MKI67: variants seen among roughly 807,000 people sequenced by gnomAD.
MKI67 encodes the protein marker of proliferation Ki-67, also known as proliferation marker protein Ki-67.
In MKI67, 152 loss-of-function variants were observed where a neutral mutation model predicts 233.5. The ratio of observed to expected loss-of-function variants is 0.65; its 90% CI spans 0.57 to 0.74. The LOEUF is 0.74. Among genes scored for constraint, MKI67 ranks in the 30% least tolerant of loss-of-function variants. MKI67 has a pLI of 0.00. For synonymous variants in MKI67, 1,465 were observed against 1,418.5 expected, an observed-to-expected ratio of 1.03 and a Z score of -0.74; for missense variants, 3,940 against 3,885.2, an observed-to-expected ratio of 1.01 and a Z score of -0.37.
chr10:128,111,411 A>G (rs1456721584), intron 11 of MKI67: 4 of 455,080 alleles, frequency 8.8e-6, no homozygotes, highest in Middle Eastern at 5.7e-4. Flanking sequence ...CATGCATTTG[A>G]CATTTCCACA....
chr10:128,110,172 C>CT (rs1852639687), intron 12 of MKI67, among the ~76,000 whole-genome samples: 1 of 152,152 alleles, frequency 6.6e-6, no homozygotes, highest in Non-Finnish European at 1.5e-5. Flanking sequence ...TTAACGGAGT[C>CT]TTTCTTTCTA....
rs764497382 is a variant in MKI67 at position 128,106,630 on chromosome 10, T to A, written c.5210A>T (p.Tyr1737Phe). 1 of 1,614,008 alleles carries A rather than the reference T, an allele frequency of 6.2e-7. No individual in the cohort carries two copies. The highest frequency in any genetic ancestry group is 1.1e-5 in the South Asian group (1 of 91,076). The change falls in exon 13 of 15, where the codon TAC becomes TTC. Residue 1737 changes from tyrosine to phenylalanine, a missense_variant. Transcript: ENST00000368654. ...CACTAGGTCTGGCTGTGAAGCTCTG[T>A]AGGATACTTTGGTAGTTTTTTCGTT... is the stretch of plus-strand genomic sequence containing the variant. ...MTNEKTTKVS[Y>F]RASQPDLVDT...
At position 128,106,388 on chromosome 10, in the gene MKI67, G is replaced by A. The variant is rs374467224; in HGVS notation, c.5452C>T (p.Arg1818Trp). ...GCCTTTTCCTTACGAGTTTGTAGCC[G>A]TCTATTGCTGCCAGGTAAATTTCCT... ...QPGNLPGSNR[R>W]LQTRKEKAQA... is the part of the protein sequence containing the mutation. The change falls in exon 13 of 15, where the codon CGG (arginine) becomes TGG (tryptophan). Residue 1818 changes from arginine to tryptophan, a missense_variant. Coordinates refer to ENST00000368654, the MANE Select transcript of MKI67 (RefSeq NM_002417.5). 2.4e-5 allele frequency: 39 copies of A among 1,613,680 alleles called. No individual in the cohort carries two copies. Among genetic ancestry groups the A allele is most frequent in the East Asian group, 2.0e-4 (9 of 44,838 alleles).
Position 128,108,213 on chromosome 10 carries a change from T to C in MKI67, c.3627A>G (p.Arg1209=), listed in dbSNP as rs763139797. Residue 1209 remains arginine, a synonymous_variant, in exon 13 of 15, where the codon AGA becomes AGG. Transcript: ENST00000368654. ...CCTTTTCCTTAGGAGTCTGTAGCTG[T>C]CTTTTGCTGCCAGGTAAAGTTCCTG... is the stretch of plus-strand genomic sequence containing the variant. ...DLAGTLPGSK[R]QLQTPKEKAQ... 4 of 1,610,992 alleles carry C rather than the reference T, an allele frequency of 2.5e-6. No homozygotes were observed. Among genetic ancestry groups the C allele is most frequent in the Non-Finnish European group, 2.5e-6 (3 of 1,179,292 alleles).
Position 128,106,361 on chromosome 10 carries a change from G to A in MKI67, c.5479C>T (p.Gln1827Ter), listed in dbSNP as rs1852494686. 1 of 1,611,970 alleles carries A rather than the reference G, an allele frequency of 6.2e-7. No individual in the cohort carries two copies. The highest frequency in any genetic ancestry group is 8.5e-7 in the Non-Finnish European group (1 of 1,179,462). ...AAGCCAGTCAGTTCTTCTAGAGCCT[G>A]GGCCTTTTCCTTACGAGTTTGTAGC... is the stretch of plus-strand genomic sequence containing the variant. ...RRLQTRKEKA[Q>*]ALEELTGFRE... The change falls in exon 13 of 15, where the codon CAG becomes TAG. Residue 1827 changes from glutamine to a stop codon, truncating the protein, a stop_gained. Coordinates refer to ENST00000368654, the MANE Select transcript of MKI67 (RefSeq NM_002417.5). LOFTEE classifies it high-confidence loss of function.
Position 128,105,488 on chromosome 10 carries a change from T to G in MKI67, c.6352A>C (p.Arg2118=). The change falls in exon 13 of 15, where the codon AGG becomes CGG. Residue 2118 remains arginine, a synonymous_variant. Transcript: ENST00000368654. ...CCCAAAGGTGTTTTGGGCCGCCTCC[T>G]TGTGCTTGTTGGAGTGTCCATTGAT... ...PESMDTPTST[R]RRPKTPLGKR... is the part of the protein sequence containing the mutation. 6.2e-7 allele frequency: 1 copy of G among 1,614,148 alleles called. No individual in the cohort carries two copies. The highest frequency in any genetic ancestry group is 2.2e-5 in the East Asian group (1 of 44,862).
In MKI67 at chr10:128,103,357, G is replaced by A. The variant is rs769445375; in HGVS notation, c.8483C>T (p.Ser2828Leu). The A allele has an allele frequency of 6.2e-7, 1 of 1,614,110 alleles. No individual in the cohort carries two copies. The highest frequency in any genetic ancestry group is 8.5e-7 in the Non-Finnish European group (1 of 1,180,028). ...TGTTGCGGTGTCTTCTAGTTCTGGT[G>A]ATGATTTGCAGGGTATTTTAGTGGT... is the stretch of plus-strand genomic sequence containing the variant. Reference protein sequence around the residue: ...DKTTKIPCKSSPELEDTATSS... With the variant: ...DKTTKIPCKSLPELEDTATSS... The change falls in exon 13 of 15, where the codon TCA becomes TTA. Residue 2828 changes from serine to leucine, a missense_variant. Ser to Leu is a moderately radical substitution (Grantham distance 145). Transcript: ENST00000368654.
rs143734730 is a variant in MKI67, at chr10:128,106,009, G to T, written c.5831C>A (p.Pro1944His). The T allele has an allele frequency of 2.2e-4, 350 of 1,614,096 alleles. 1 individual carries two copies. In the African/African-American group the frequency reaches 4.1e-3, roughly 19 times the overall value. ...TTCTAGAGCCTTGGCCTTTTCTTTA[G>T]GAGTTTGTGGCCGTCTCTTGCTGCC... is the stretch of plus-strand genomic sequence containing the variant. ...LPGSKRRPQT[P>H]KEKAKALEDL... is the part of the protein sequence containing the mutation. Residue 1944 changes from proline to histidine, a missense_variant, in exon 13 of 15, where the codon CCT (proline) becomes CAT (histidine). Physicochemically the swap from Pro to His is moderately conservative, Grantham distance 77 (BLOSUM62 -2). Transcript: ENST00000368654.
In MKI67 at chr10:128,119,324, A is replaced by C. The variant is rs745349160; in HGVS notation, c.288-5T>G. On this transcript the variant is annotated splice_polypyrimidine_tract_variant and splice_region_variant and intron_variant, in intron 4 of 14. Coordinates refer to ENST00000368654, the MANE Select transcript of MKI67 (RefSeq NM_002417.5). ...TGAAGACTTTCATTTTCATACCTGC[A>C]GTTTATAGAACGACAAAGATCCTGA... 3.7e-5 allele frequency: 59 copies of C among 1,590,978 alleles called. No individual in the cohort carries two copies. Among genetic ancestry groups the C allele is most frequent in the Non-Finnish European group, 4.5e-5 (52 of 1,159,894 alleles).
chr10:128,103,574 GTTCT>G lies in MKI67; in HGVS notation c.8262_8265del (p.Lys2754AsnfsTer12), dbSNP rs1564999306. 6.2e-7 allele frequency: 1 copy of G among 1,614,002 alleles called. No homozygotes were observed. Among genetic ancestry groups the G allele is most frequent in the African/African-American group, 1.3e-5 (1 of 74,862 alleles). Reference sequence around the variant, plus strand: ...TTGATGCCTTTATCTTCACCTGCTGGTTCTTTGTCTGCATCCGTGGTTTCCCCTG... The same window carrying G: ...TTGATGCCTTTATCTTCACCTGCTGGTTGTCTGCATCCGTGGTTTCCCCTG... On this transcript the variant is annotated frameshift_variant, in exon 13 of 15. Transcript: ENST00000368654. LOFTEE classifies it high-confidence loss of function.
Position 128,104,367 on chromosome 10 carries a change from C to A in MKI67, c.7473G>T (p.Met2491Ile). 3 of 1,614,196 alleles carry A rather than the reference C, an allele frequency of 1.9e-6. No individual in the cohort carries two copies. Among genetic ancestry groups the A allele is most frequent in the Non-Finnish European group, 2.5e-6 (3 of 1,180,042 alleles). Residue 2491 changes from methionine (M) to isoleucine (I), a missense_variant, in exon 13 of 15, where the codon ATG becomes ATT. By Grantham distance (10) the Met-to-Ile change is conservative. Coordinates refer to ENST00000368654, the MANE Select transcript of MKI67 (RefSeq NM_002417.5). ...TGCTGACTGCTAGGGGCTCTTCTTT[C>A]ATGTCCACTTTCACCAGGGGTATCT... The part of the protein sequence containing the change: ...RLKIPLVKVD[M>I]KEEPLAVSKL...
rs1470524182 is a variant in MKI67, at chr10:128,116,547, G to A, written c.355-11C>T. 1.2e-6 allele frequency: 2 copies of A among 1,611,984 alleles called. No individual in the cohort carries two copies. Among genetic ancestry groups the A allele is most frequent in the South Asian group, 1.1e-5 (1 of 91,052 alleles). On this transcript the variant is annotated splice_polypyrimidine_tract_variant and intron_variant, in intron 5 of 14. Coordinates refer to ENST00000368654, the MANE Select transcript of MKI67 (RefSeq NM_002417.5). ...ACGACGTGCTGGCTCCTGTAAGTTG[G>A]GAAAATAAGAACAGTTATTTGCAGG...
In MKI67 at chr10:128,108,113, C is replaced by T; in HGVS notation, c.3727G>A (p.Ala1243Thr). The change falls in exon 13 of 15, where the codon GCT becomes ACT. Residue 1243 changes from alanine to threonine, a missense_variant. Physicochemically the swap from Ala to Thr is moderately conservative, Grantham distance 58. Coordinates refer to ENST00000368654, the MANE Select transcript of MKI67 (RefSeq NM_002417.5). ...CAGGGTATTTTAGTGGTTTTACCAGCAGCCACTAATTCCTCGGTGTGACCA... is the reference window on the plus strand; with the variant it reads ...CAGGGTATTTTAGTGGTTTTACCAGTAGCCACTAATTCCTCGGTGTGACCA... ...TPGHTEELVAAGKTTKIPCDS... is the reference protein window; with the variant it reads ...TPGHTEELVATGKTTKIPCDS... The T allele has an allele frequency of 6.2e-7, 1 of 1,613,028 alleles. No homozygotes were observed. The highest frequency in any genetic ancestry group is 1.1e-5 in the South Asian group (1 of 91,022).
intron 11 of MKI67, among the ~76,000 whole-genome samples, chr10:128,111,089 A>G (rs1174115849): frequency 6.6e-6 from 1 of 152,220 alleles, no homozygotes; most frequent in Non-Finnish European, 1.5e-5. Flanking sequence ...AAGTGTTGGG[A>G]TTACAGGCGT....
chr10:128,113,592 C>A lies in MKI67; in HGVS notation c.1491G>T (p.Glu497Asp), dbSNP rs11016076. 40 of 1,613,788 alleles carry A rather than the reference C, an allele frequency of 2.5e-5. No individual in the cohort carries two copies. The African/African-American group carries it at 3.3e-4, about 13-fold the overall frequency. ...NNFGDSINES[E>D]GIPLKRRRVS... is the part of the protein sequence containing the mutation. Reference sequence around the variant, plus strand: ...CACGCCTTCTTTTCAAAGGTATTCCCTCACTCTCATCTAAAGTAACGGATA... The same window carrying A: ...CACGCCTTCTTTTCAAAGGTATTCCATCACTCTCATCTAAAGTAACGGATA... Residue 497 changes from glutamate to aspartate, a missense_variant, in exon 8 of 15, where the codon GAG becomes GAT. Transcript: ENST00000368654.
rs148202204 is a variant in MKI67 at position 128,116,021 on chromosome 10, T to G, written c.401-14A>C. 6.5e-7 allele frequency: 1 copy of G among 1,550,288 alleles called. No individual in the cohort carries two copies. Reference sequence around the variant, plus strand: ...GAGCTTTCTCATCTTGGCAATGAATTATGAAATAAGAAACAGAAGTTCAGC... The same window carrying G: ...GAGCTTTCTCATCTTGGCAATGAATGATGAAATAAGAAACAGAAGTTCAGC... On this transcript the variant is annotated splice_polypyrimidine_tract_variant and intron_variant, in intron 6 of 14. Transcript: ENST00000368654.
rs763541970 is a variant in MKI67, at chr10:128,106,141, G to A, written c.5699C>T (p.Ala1900Val). 6.2e-7 allele frequency: 1 copy of A among 1,614,082 alleles called. No individual in the cohort carries two copies. Among genetic ancestry groups the A allele is most frequent in the South Asian group, 1.1e-5 (1 of 91,078 alleles). Residue 1900 changes from alanine (A) to valine (V), a missense_variant, in exon 13 of 15, where the codon GCA becomes GTA. Physicochemically the swap from Ala to Val is moderately conservative, Grantham distance 64. Transcript: ENST00000368654. ...FLAFRKLTPSAGKAMHTPKAA... is the reference protein window; with the variant it reads ...FLAFRKLTPSVGKAMHTPKAA... ...TTTAGGCGTGTGCATGGCTTTGCCTGCTGATGGTGTTAGTTTCCTGAATGC... is the reference window on the plus strand; with the variant it reads ...TTTAGGCGTGTGCATGGCTTTGCCTACTGATGGTGTTAGTTTCCTGAATGC...
chr10:128,103,332 T>C lies in MKI67; in HGVS notation c.8508A>G (p.Thr2836=). Residue 2836 remains threonine, a synonymous_variant, in exon 13 of 15, where the codon ACA becomes ACG. Transcript: ENST00000368654. ...KSSPELEDTA[T]SSKRRPRTRA... ...GTGTCCTGGGCCGTCTCTTTGAGCT[T>C]GTTGCGGTGTCTTCTAGTTCTGGTG... is the stretch of plus-strand genomic sequence containing the variant. 1.2e-6 allele frequency: 2 copies of C among 1,614,140 alleles called. No homozygotes were observed. Among genetic ancestry groups the C allele is most frequent in the Non-Finnish European group, 1.7e-6 (2 of 1,180,022 alleles).
chr10:128,114,960 G>C lies in MKI67; in HGVS notation c.1448C>G (p.Ser483Ter), dbSNP rs972518148. Residue 483 changes from serine (S) to a stop codon, truncating the protein, a stop_gained, in exon 7 of 15, where the codon TCA becomes TGA. Transcript: ENST00000368654. LOFTEE classifies it high-confidence loss of function. ...QMCSGLPGLSSVDINNFGDSI... is the reference protein window; with the variant it reads ...QMCSGLPGLS ...ATCACCAAAGTTGTTGATATCAACT[G>C]AACTAAGACCAGGTAACCCAGAGCA... is the stretch of plus-strand genomic sequence containing the variant. 3 of 1,577,338 alleles carry C rather than the reference G, an allele frequency of 1.9e-6. No individual in the cohort carries two copies. The African/African-American group carries it at 4.1e-5, about 22-fold the overall frequency.
Sources: gnomAD v4.1 joint callset for allele counts (sites outside exome capture counted in the v4.1 genomes callset) on GRCh38, gnomAD v4.1.1 for gene constraint, MANE v1.5 for transcripts, NCBI Gene and HGNC (gene_info 2026-07-23, HGNC 2026-07-21) for gene names.